Variants in NXPE1 observed in about 807,000 individuals in gnomAD.
NXPE1 encodes the protein NXPE family member 1.
NXPE1 carries 31 observed loss-of-function variants against 33.3 expected under a neutral mutation model. The ratio of observed to expected loss-of-function variants is 0.93; its 90% CI spans 0.70 to 1.26. The LOEUF (loss-of-function observed/expected upper bound fraction) is 1.26. Among genes scored for constraint, NXPE1 ranks in the 50% most tolerant of loss-of-function variants. NXPE1 has a pLI of 0.00. For missense variants in NXPE1, 661 were observed against 655.6 expected (o/e 1.01, Z -0.09); for synonymous variants, 229 against 231.4 (o/e 0.99, Z 0.09).
intron 1 of NXPE1, among the ~76,000 whole-genome samples, chr11:114,556,769 G>A (rs1222402771): frequency 2.0e-5 from 3 of 151,662 alleles, no homozygotes; most frequent in African/African-American, 4.8e-5. Flanking sequence ...GACATTTTTT[G>A]CAGCTGGAAC....
chr11:114,556,454 C>G (rs1019677019), intron 1 of NXPE1, among the ~76,000 whole-genome samples: 7 of 152,058 alleles, frequency 4.6e-5, no homozygotes, highest in Non-Finnish European at 1.0e-4. Flanking sequence ...AGGCCTTTCT[C>G]CTGGAATTTC....
At chr11:114,521,983 T>G (rs1010251473) in exon 9 of NXPE1, 4 of 1,611,316 alleles carry the variant, frequency 2.5e-6, no homozygotes, top group Non-Finnish European at 3.4e-6. Context: ...AAATGTAGTT[T>G]AAGAACATGT....
At chr11:114,539,859 A>G (rs965048391) in intron 5 of NXPE1, among the ~76,000 whole-genome samples, 1 of 152,206 alleles carries the variant, frequency 6.6e-6, no homozygotes, top group African/African-American at 2.4e-5. Context: ...AGAAAATTAT[A>G]TTTCGTAAAT....
At chr11:114,548,528 T>C (rs1309653959) in intron 5 of NXPE1, among the ~76,000 whole-genome samples, 1 of 152,092 alleles carries the variant, frequency 6.6e-6, no homozygotes, top group Non-Finnish European at 1.5e-5. Context: ...CCAAATACCA[T>C]TCCACTCAGA....
At chr11:114,532,197 A>T (rs1371641743) in intron 5 of NXPE1, among the ~76,000 whole-genome samples, 3 of 152,226 alleles carry the variant, frequency 2.0e-5, no homozygotes, top group Non-Finnish European at 4.4e-5. Flanking sequence ...GCCAAAGGAG[A>T]GGAGAAACAA....
intron 5 of NXPE1, among the ~76,000 whole-genome samples, chr11:114,539,659 A>T (rs1591285286): frequency 6.6e-6 from 1 of 152,282 alleles, no homozygotes; most frequent in Non-Finnish European, 1.5e-5. Flanking sequence ...TGATTAACTA[A>T]TTCCAAAATT....
chr11:114,537,582 G>C (rs1455666516), intron 5 of NXPE1, among the ~76,000 whole-genome samples: 2 of 152,170 alleles, frequency 1.3e-5, no homozygotes, highest in African/African-American at 4.8e-5. Context: ...CTTCAGCAAA[G>C]TCTCAGGATA....
At chr11:114,532,844 A>C (rs1947635732) in intron 5 of NXPE1, among the ~76,000 whole-genome samples, 1 of 152,196 alleles carries the variant, frequency 6.6e-6, no homozygotes, top group African/African-American at 2.4e-5. Context: ...TCTAGAGTGA[A>C]AAATCTTGTA....
chr11:114,544,106 A>T (rs900948122), intron 5 of NXPE1, among the ~76,000 whole-genome samples: 2 of 152,208 alleles, frequency 1.3e-5, no homozygotes, highest in Non-Finnish European at 2.9e-5. Context: ...ATGGAGAGAG[A>T]TTCCATGTTC....
At chr11:114,522,141 C>G (rs951930057) in exon 9 of NXPE1, 6 of 1,614,016 alleles carry the variant, frequency 3.7e-6, no homozygotes, top group Admixed American at 1.7e-5. Flanking sequence ...TGGAAGTCTC[C>G]AAACCTCTCT....
chr11:114,527,963 C>A, intron 6 of NXPE1, 62 bp from the exon 7 acceptor site: 2 of 1,291,936 alleles, frequency 1.5e-6, no homozygotes, highest in Non-Finnish European at 2.2e-6. Flanking sequence ...ACAGGTGAAT[C>A]ATCTGCTTGT....
intron 5 of NXPE1, among the ~76,000 whole-genome samples, chr11:114,542,123 T>A (rs1338464909): frequency 4.6e-5 from 7 of 152,210 alleles, no homozygotes; most frequent in African/African-American, 1.4e-4. Flanking sequence ...ATCTGCTTTG[T>A]AAATTGTTCC....
At chr11:114,554,524 G>A (rs1311404330) in intron 1 of NXPE1, 1 of 278,580 alleles carries the variant, frequency 3.6e-6, no homozygotes, top group Non-Finnish European at 5.4e-6. Context: ...ATTATACTGA[G>A]GTATAGTTAT....
chr11:114,529,077 A>G (rs1306194167), intron 6 of NXPE1: 1 of 363,996 alleles, frequency 2.7e-6, no homozygotes, highest in Non-Finnish European at 4.9e-6. Flanking sequence ...TACTCTTAGC[A>G]TATTTTTTTT....
At chr11:114,552,114 CA>C (rs909272106) in intron 2 of NXPE1, 29 bp from the exon 3 acceptor site, 5 of 152,222 alleles carry the variant, frequency 3.3e-5, no homozygotes, top group Non-Finnish European at 5.9e-5. Flanking sequence ...AGTGAGAGAA[CA>C]AAGGATCAGT....
intron 5 of NXPE1, among the ~76,000 whole-genome samples, chr11:114,550,640 T>A (rs1202353493): frequency 1.3e-5 from 2 of 152,108 alleles, no homozygotes; most frequent in East Asian, 3.9e-4. Flanking sequence ...CATGGATGAA[T>A]ACCTGTATAA....
chr11:114,554,014 T>C (rs1277926736), intron 1 of NXPE1: 96 of 985,356 alleles, frequency 9.7e-5, no homozygotes, highest in Non-Finnish European at 1.1e-4. Context: ...TGTTTTTTCT[T>C]CTTCCAAATG....
chr11:114,521,479 C>T (rs1372036414), downstream of NXPE1, among the ~76,000 whole-genome samples: 1 of 152,182 alleles, frequency 6.6e-6, no homozygotes, highest in African/African-American at 2.4e-5. Context: ...TGTCCAGGCT[C>T]ATGGTATACA....
At chr11:114,554,702 A>G (rs1388497809) in intron 1 of NXPE1, among the ~76,000 whole-genome samples, 1 of 152,234 alleles carries the variant, frequency 6.6e-6, no homozygotes, top group Non-Finnish European at 1.5e-5. Flanking sequence ...TGATATGAAA[A>G]TAATCTGTGA....
Sources: gnomAD v4.1 joint callset for allele counts (sites outside exome capture counted in the v4.1 genomes callset) on GRCh38, gnomAD v4.1.1 for gene constraint, MANE v1.5 for transcripts, NCBI Gene and HGNC (gene_info 2026-07-23, HGNC 2026-07-21) for gene names.